The following MYH14 variants were observed in gnomAD, a reference collection of about 807,000 sequenced individuals.
MYH14 encodes myosin-14.
MYH14 carries 123 observed loss-of-function variants against 255.5 expected under a neutral mutation model. The observed-to-expected ratio is 0.48, with a 90% confidence interval of 0.42 to 0.56. The LOEUF (loss-of-function observed/expected upper bound fraction) is 0.56. Ranked by LOEUF, MYH14 falls within the 20% of genes least tolerant of loss-of-function variation. The probability of loss-of-function intolerance (pLI) is 0.00; values close to 1 mark genes in which losing one functional copy is unlikely to be tolerated. For missense variants in MYH14, 2,423 were observed against 2,802.3 expected, an observed-to-expected ratio of 0.86 and a Z score of 3.06; for synonymous variants, 1,095 against 1,161.2, an observed-to-expected ratio of 0.94 and a Z score of 1.16.
chr19:50,204,384 T>G (rs7249871), intron 1 of MYH14, among the ~76,000 whole-genome samples: 18,208 of 152,098 alleles, frequency 0.12, 2,076 homozygotes, highest in African/African-American at 0.29. Context: ...AGGTTGGTAG[T>G]AATCACCAAC....
rs568058146 is a variant in MYH14, at chr19:50,232,178, C to T, written c.1114+108C>T. ...TGAGCAAGTGTTTATTGAGCACCTA[C>T]TGGGTGCAGGCACCGGGGCCAGAGC... On this transcript the variant is annotated intron_variant, in intron 10 of 42. Coordinates refer to ENST00000642316, the MANE Select transcript of MYH14 (RefSeq NM_001145809.2). The T allele has an allele frequency of 3.0e-5, 42 of 1,388,908 alleles. 1 individual carries two copies. The Middle Eastern group carries it at 7.5e-4, about 25-fold the overall frequency. 86.0% of individuals were successfully genotyped at this position (1,388,908 alleles called of 1,614,324 possible).
chr19:50,215,686 G>A (rs1386098150), intron 2 of MYH14, among the ~76,000 whole-genome samples: 1 of 152,180 alleles, frequency 6.6e-6, no homozygotes, highest in Non-Finnish European at 1.5e-5. Context: ...AAGCATGGTG[G>A]TGCATACCTG....
chr19:50,284,303 T>G (rs1418861641), intron 33 of MYH14, among the ~76,000 whole-genome samples: 1 of 152,074 alleles, frequency 6.6e-6, no homozygotes, highest in Non-Finnish European at 1.5e-5. Flanking sequence ...TATAAGAAAT[T>G]TTTGCCTAAC....
chr19:50,291,061 G>C lies in MYH14; in HGVS notation c.5127+13G>C. The C allele has an allele frequency of 1.2e-6, 2 of 1,611,382 alleles. No homozygotes were observed. The highest frequency in any genetic ancestry group is 1.7e-6 in the Non-Finnish European group (2 of 1,178,776). ...TCGCAAGATGCAGGTAAGAGCCGGCGTGAGCTGCAGGGAGGGGAGGCTTTG... is the reference window on the plus strand; with the variant it reads ...TCGCAAGATGCAGGTAAGAGCCGGCCTGAGCTGCAGGGAGGGGAGGCTTTG... On this transcript the variant is annotated intron_variant, in intron 36 of 42. Transcript: ENST00000642316.
At chr19:50,216,134 C>G (rs2032459865) in intron 2 of MYH14, among the ~76,000 whole-genome samples, 1 of 152,202 alleles carries the variant, frequency 6.6e-6, no homozygotes, top group Non-Finnish European at 1.5e-5. Flanking sequence ...TTGAGCCCCT[C>G]TTGCCTACAT....
chr19:50,292,403 A>G lies in MYH14; in HGVS notation c.5256+14A>G. ...CGGCTGCAGGAGGTGAGGCTGGGGT[A>G]GGCTGGGCCCTGGGACAGGAAGCTG... On this transcript the variant is annotated intron_variant, in intron 37 of 42. Coordinates refer to ENST00000642316, the MANE Select transcript of MYH14 (RefSeq NM_001145809.2). 1 of 1,554,904 alleles carries G rather than the reference A, an allele frequency of 6.4e-7. No homozygotes were observed. The highest frequency in any genetic ancestry group is 8.7e-7 in the Non-Finnish European group (1 of 1,151,062).
At chr19:50,249,310 CTG>C in intron 13 of MYH14, 171 bp downstream of exon 13, 1 of 816,392 alleles carries the variant, frequency 1.2e-6, no homozygotes, top group Non-Finnish European at 1.9e-6. Context: ...TCTCTGTCCC[CTG>C]TCTCTGGGTC....
intron 39 of MYH14, among the ~76,000 whole-genome samples, chr19:50,299,817 T>G (rs936823466): frequency 6.6e-6 from 1 of 151,588 alleles, no homozygotes; most frequent in African/African-American, 2.4e-5. Context: ...TGGTGGTGCG[T>G]GCCTGTAATC....
chr19:50,275,917 C>A, intron 27 of MYH14, 74 bp from the exon 28 acceptor site: 2 of 1,216,300 alleles, frequency 1.6e-6, no homozygotes, highest in Non-Finnish European at 2.3e-6. Context: ...CACATCCAGC[C>A]TCTCAGTCCC....
intron 36 of MYH14, among the ~76,000 whole-genome samples, chr19:50,291,363 G>A (rs949353847): frequency 3.7e-4 from 56 of 150,800 alleles, no homozygotes; most frequent in Non-Finnish European, 1.9e-4. Context: ...GTGCAGCGAC[G>A]TGATCTCAGC....
intron 21 of MYH14, among the ~76,000 whole-genome samples, chr19:50,262,338 A>G (rs141366192): frequency 0.011 from 1,745 of 152,142 alleles, 30 homozygotes; most frequent in African/African-American, 0.04. Context: ...CGGGCGGATC[A>G]CTTGAGGTCA....
intron 17 of MYH14, among the ~76,000 whole-genome samples, chr19:50,256,096 A>G (rs1170349992): frequency 6.6e-6 from 1 of 151,896 alleles, no homozygotes; most frequent in African/African-American, 2.4e-5. Context: ...TGAGCAACAC[A>G]GGAAGACCCC....
intron 29 of MYH14, 125 bp downstream of exon 29, chr19:50,277,026 A>C: frequency 1.5e-6 from 1 of 663,104 alleles, no homozygotes; most frequent in Admixed American, 2.8e-5. Flanking sequence ...TTCCTCACGC[A>C]TTCATGTGCA....
chr19:50,249,209 G>A, intron 13 of MYH14, 70 bp downstream of exon 13: 2 of 1,472,194 alleles, frequency 1.4e-6, no homozygotes, highest in Non-Finnish European at 1.8e-6. Flanking sequence ...GAAGCCCTGG[G>A]TCTCTCCCCT....
At chr19:50,243,088 G>A (rs186699180) in intron 10 of MYH14, among the ~76,000 whole-genome samples, 33 of 152,174 alleles carry the variant, frequency 2.2e-4, no homozygotes, top group African/African-American at 6.7e-4. Context: ...AGTTCTGTGC[G>A]AATGAGTCAG....
chr19:50,277,029 C>G (rs1030675080), intron 29 of MYH14, 128 bp downstream of exon 29: 6 of 661,482 alleles, frequency 9.1e-6, no homozygotes, highest in African/African-American at 1.8e-5. Flanking sequence ...CTCACGCATT[C>G]ATGTGCATCT....
At chr19:50,249,846 C>G (rs1162231312) in intron 14 of MYH14, 23 bp downstream of exon 14, 1 of 1,613,084 alleles carries the variant, frequency 6.2e-7, no homozygotes, top group African/African-American at 1.3e-5. Context: ...CCCCTCCCAG[C>G]CCACACTCAC....
intron 17 of MYH14, among the ~76,000 whole-genome samples, chr19:50,256,535 CTTAA>C (rs1301205358): frequency 6.6e-6 from 1 of 152,118 alleles, no homozygotes; most frequent in Non-Finnish European, 1.5e-5. Context: ...CCACACCTGG[CTTAA>C]TTTTTTGTAT....
chr19:50,216,418 C>T (rs541392847), intron 2 of MYH14, among the ~76,000 whole-genome samples: 17 of 152,080 alleles, frequency 1.1e-4, no homozygotes, highest in South Asian at 2.1e-4. Flanking sequence ...GCCTGGGCAA[C>T]GTAGTGAGAC....
Sources: gnomAD v4.1 joint callset for allele counts (sites outside exome capture counted in the v4.1 genomes callset) on GRCh38, gnomAD v4.1.1 for gene constraint, MANE v1.5 for transcripts, NCBI Gene and HGNC (gene_info 2026-07-23, HGNC 2026-07-21) for gene names.